Variants in CPSF6 observed in about 807,000 individuals in gnomAD.
The protein encoded by CPSF6 is cleavage and polyadenylation specific factor 6, also known as cleavage and polyadenylation specificity factor subunit 6.
CPSF6 carries 10 observed loss-of-function variants against 56.7 expected under a neutral mutation model. The ratio of observed to expected loss-of-function variants is 0.18; its 90% CI spans 0.11 to 0.30. The LOEUF (loss-of-function observed/expected upper bound fraction) is 0.30. Among genes scored for constraint, CPSF6 ranks in the 10% least tolerant of loss-of-function variants. The pLI is 1.00. For missense variants in CPSF6, 419 were observed against 722.9 expected (o/e 0.58, Z 4.82); for synonymous variants, 248 against 244.8 (o/e 1.01, Z -0.12).
At chr12:69,246,671 C>G (rs953098585) in intron 1 of CPSF6, among the ~76,000 whole-genome samples, 1 of 152,128 alleles carries the variant, frequency 6.6e-6, no homozygotes, top group African/African-American at 2.4e-5. Context: ...ACTAGTATTT[C>G]TTTTCCGAGG....
rs974321752 is a variant in CPSF6 at position 69,262,590 on chromosome 12, G to A, written c.*3+28G>A. The stretch of plus-strand genomic sequence containing the variant: ...GGGTATTCCTTGTTCCCTGTTAAAT[G>A]TGTGTGTATTCTTAACAGTAACTAT... On this transcript the variant is annotated intron_variant, in intron 9 of 9. Transcript: ENST00000435070. 4 of 1,583,204 alleles carry A rather than the reference G, an allele frequency of 2.5e-6. No homozygotes were observed. The Admixed American group carries it at 7.3e-5, about 29-fold the overall frequency.
chr12:69,252,513 T>C (rs1006435263), intron 2 of CPSF6, among the ~76,000 whole-genome samples: 6 of 152,200 alleles, frequency 3.9e-5, no homozygotes, highest in African/African-American at 1.2e-4. Context: ...CCATCTATTA[T>C]TAGTTTTGTG....
At chr12:69,253,783 G>C (rs978781378) in intron 3 of CPSF6, among the ~76,000 whole-genome samples, 2 of 151,888 alleles carry the variant, frequency 1.3e-5, no homozygotes, top group African/African-American at 4.8e-5. Context: ...TAATTCTTTT[G>C]CATCATACCT....
rs1350459046 is a variant in CPSF6 at position 69,239,694 on chromosome 12, A to G, written c.48A>G (p.Glu16=). The G allele has an allele frequency of 1.3e-6, 2 of 1,591,044 alleles. No homozygotes were observed. Among genetic ancestry groups the G allele is most frequent in the Admixed American group, 3.4e-5 (2 of 58,038 alleles). The change falls in exon 1 of 10, where the codon GAA becomes GAG. Residue 16 remains glutamate (E), a synonymous_variant. Coordinates refer to ENST00000435070, the MANE Select transcript of CPSF6 (RefSeq NM_007007.3). ...TAGACATTTACGCGGATGTCGGCGA[A>G]GAGTTCAACCAGGTACGTGAGAGCC... ...DHIDIYADVG[E]EFNQEAEYGG...
intron 2 of CPSF6, chr12:69,252,271 T>C: frequency 6.1e-6 from 2 of 327,592 alleles, no homozygotes; most frequent in South Asian, 4.8e-5. Flanking sequence ...TTTGTAGAGC[T>C]GACTTCTTGC....
intron 1 of CPSF6, among the ~76,000 whole-genome samples, chr12:69,246,245 C>T (rs1204298925): frequency 1.3e-5 from 2 of 152,142 alleles, no homozygotes; most frequent in Non-Finnish European, 2.9e-5. Context: ...TGTATGTATT[C>T]TAGCCAATTG....
In CPSF6 at chr12:69,258,834, A is replaced by G. The variant is rs1413864068; in HGVS notation, c.939A>G (p.Gln313=). The change falls in exon 6 of 10, where the codon CAA becomes CAG. Residue 313 remains glutamine (Q), a synonymous_variant. Transcript: ENST00000435070. This position sits in a 1 kb window ranked among gnomAD's most constrained non-coding sequence, Gnocchi z 4.2. ...YGPPPGPPPP[Q]QGPPPPPGPF... Reference sequence around the variant, plus strand: ...CCCCTCCTGGCCCACCACCTCCACAACAGGGACCACCTCCACCTCCAGGCC... The same window carrying G: ...CCCCTCCTGGCCCACCACCTCCACAGCAGGGACCACCTCCACCTCCAGGCC... 1.1e-5 allele frequency: 17 copies of G among 1,613,434 alleles called. No individual in the cohort carries two copies. The highest frequency in any genetic ancestry group is 5.5e-5 in the South Asian group (5 of 91,042).
intron 9 of CPSF6, among the ~76,000 whole-genome samples, chr12:69,263,116 C>G (rs1044059493): frequency 1.3e-5 from 2 of 151,210 alleles, no homozygotes; most frequent in South Asian, 4.2e-4. Context: ...TTAGAAGAGA[C>G]ACTATCCTGA....
intron 7 of CPSF6, among the ~76,000 whole-genome samples, chr12:69,259,817 T>A (rs1013295179): frequency 6.6e-6 from 1 of 152,200 alleles, no homozygotes; most frequent in South Asian, 2.1e-4. Flanking sequence ...TATTCTTATA[T>A]TTGCAAAATG....
At chr12:69,244,879 G>T (rs553096835) in intron 1 of CPSF6, among the ~76,000 whole-genome samples, 1 of 152,118 alleles carries the variant, frequency 6.6e-6, no homozygotes, top group South Asian at 2.1e-4. Flanking sequence ...TCTGTAATAC[G>T]TGGTGAAGGA....
intron 7 of CPSF6, 94 bp from the exon 8 acceptor site, chr12:69,259,950 T>C: frequency 4.6e-6 from 6 of 1,303,862 alleles, no homozygotes; most frequent in Non-Finnish European, 6.4e-6. Flanking sequence ...CACAGTACTT[T>C]TGTAAAATGC....
chr12:69,243,380 A>C (rs1241541483), intron 1 of CPSF6, among the ~76,000 whole-genome samples: 1 of 152,222 alleles, frequency 6.6e-6, no homozygotes, highest in Non-Finnish European at 1.5e-5. Flanking sequence ...GTGTCGCTTC[A>C]CGATGGCGGT....
chr12:69,272,894 G>GTGTGTA lies in CPSF6; in HGVS notation c.*3389_*3390insGTATGT. The GTGTGTA allele has an allele frequency of 4.6e-6, 1 of 218,908 alleles. No individual in the cohort carries two copies. Among genetic ancestry groups the GTGTGTA allele is most frequent in the Non-Finnish European group, 9.4e-6 (1 of 106,192 alleles). The allele number at this position is 218,908 out of a possible 1,614,324, so 13.6% of individuals were successfully genotyped here. A position where few individuals can be genotyped will look rare whatever the true frequency, so the allele number is the denominator to read the frequency against. On this transcript the variant is annotated 3_prime_UTR_variant, in exon 10 of 10. Transcript: ENST00000435070. ...AGTGTGTGTGTGTGTGTGTGTGTGT[G>GTGTGTA]TGTATGCGTTTTTTTAACCTTAACT...
rs1873153692 is a variant in CPSF6, at chr12:69,269,691, T to C, written c.*183T>C. ...ATGGTAACCAGTAGCTCTACTTTTA[T>C]TTTTTATGTTGCTTAACTGTTTTAT... On this transcript the variant is annotated 3_prime_UTR_variant, in exon 10 of 10. Transcript: ENST00000435070. The C allele has an allele frequency of 4.5e-6, 1 of 220,496 alleles. No homozygotes were observed. The highest frequency in any genetic ancestry group is 9.4e-6 in the Non-Finnish European group (1 of 105,980). The allele number at this position is 220,496 out of a possible 1,614,324, so 13.7% of individuals were successfully genotyped here. A position where few individuals can be genotyped will look rare whatever the true frequency, so the allele number is the denominator to read the frequency against.
chr12:69,249,157 G>GGGGGGGGA (rs1872086393), intron 1 of CPSF6, among the ~76,000 whole-genome samples: 1 of 65,120 alleles, frequency 1.5e-5, no homozygotes, highest in Non-Finnish European at 3.0e-5. Context: ...CTACTCGGGG[G>GGGGGGGGA]GGGGGGGGGG....
At chr12:69,256,243 C>G (rs1473613753) in intron 3 of CPSF6, among the ~76,000 whole-genome samples, 1 of 151,982 alleles carries the variant, frequency 6.6e-6, no homozygotes, top group African/African-American at 2.4e-5. Context: ...GGAGCGATGG[C>G]TAATGGATAT....
At chr12:69,243,977 G>A (rs1411620358) in intron 1 of CPSF6, among the ~76,000 whole-genome samples, 1 of 152,130 alleles carries the variant, frequency 6.6e-6, no homozygotes, top group Non-Finnish European at 1.5e-5. Context: ...GAGACTACAG[G>A]CATGTGCCAC....
rs939636858 is a variant in CPSF6 at position 69,258,488 on chromosome 12, G to A, written c.695-102G>A. ...GGGTTTAATTTAAAGACAAAGACTTGGTGTATGCTCTATGCGTTTAAAGTA... is the reference window on the plus strand; with the variant it reads ...GGGTTTAATTTAAAGACAAAGACTTAGTGTATGCTCTATGCGTTTAAAGTA... On this transcript the variant is annotated intron_variant, in intron 5 of 9. Coordinates refer to ENST00000435070, the MANE Select transcript of CPSF6 (RefSeq NM_007007.3). The surrounding 1 kb of genome is among the most constrained non-coding windows in gnomAD (Gnocchi z 4.2). 6 of 1,172,906 alleles carry A rather than the reference G, an allele frequency of 5.1e-6. No homozygotes were observed. In the South Asian group the frequency reaches 6.4e-5, roughly 12 times the overall value. 72.7% of individuals were successfully genotyped at this position (1,172,906 alleles called of 1,614,324 possible). A position where few individuals can be genotyped will look rare whatever the true frequency, so the allele number is the denominator to read the frequency against.
intron 1 of CPSF6, 44 bp downstream of exon 1, chr12:69,239,750 G>C: frequency 6.5e-7 from 1 of 1,546,724 alleles, no homozygotes; most frequent in East Asian, 2.6e-5. Flanking sequence ...GGGCGGCGCT[G>C]CGGCCGGGAA....
Sources: allele counts gnomAD v4.1 joint callset (sites outside exome capture counted in the v4.1 genomes callset), GRCh38; gene constraint gnomAD v4.1.1; non-coding constraint Gnocchi (gnomAD v3.1); transcripts MANE v1.5; gene names NCBI Gene and HGNC (gene_info 2026-07-23, HGNC 2026-07-21).